The following PTPRB variants were observed in gnomAD, a reference collection of about 807,000 sequenced individuals.
PTPRB encodes receptor-type tyrosine-protein phosphatase beta.
In PTPRB, 97 loss-of-function variants were observed where a neutral mutation model predicts 238.1. That is an observed-to-expected ratio of 0.41 (90% CI 0.35 to 0.48). PTPRB has a LOEUF of 0.48. Among genes scored for constraint, PTPRB ranks in the 20% least tolerant of loss-of-function variants. PTPRB has a pLI of 0.30. For missense variants in PTPRB, 2,292 were observed against 2,681.9 expected, an observed-to-expected ratio of 0.85 and a Z score of 3.21; for synonymous variants, 970 against 995.4, an observed-to-expected ratio of 0.97 and a Z score of 0.48.
At position 70,555,307 on chromosome 12, in the gene PTPRB, G is replaced by A; in HGVS notation, c.4996C>T (p.Pro1666Ser). 6.2e-7 allele frequency: 1 copy of A among 1,610,380 alleles called. No individual in the cohort carries two copies. Among genetic ancestry groups the A allele is most frequent in the South Asian group, 1.1e-5 (1 of 90,544 alleles). ...CGAATGTGTGGGGGTGGAGGAGGGG[G>A]GCCTGGAAAAAGAGGTGGGGAAGGA... ...EDSTITMIDR[P>S]PPPPPHIRVN... The change falls in exon 20 of 34, where the codon CCC becomes TCC. Residue 1666 changes from proline (P) to serine (S), a missense_variant and splice_region_variant. Physicochemically the swap from Pro to Ser is moderately conservative, Grantham distance 74. Coordinates refer to ENST00000334414, the MANE Select transcript of PTPRB (RefSeq NM_001109754.4).
At chr12:70,531,696 C>T (rs1873271805) in intron 32 of PTPRB, among the ~76,000 whole-genome samples, 1 of 152,116 alleles carries the variant, frequency 6.6e-6, no homozygotes, top group African/African-American at 2.4e-5. Flanking sequence ...TGGTCTTTAC[C>T]ATCTACATAC....
chr12:70,606,205 T>G (rs1302796019), intron 4 of PTPRB, among the ~76,000 whole-genome samples: 1 of 152,220 alleles, frequency 6.6e-6, no homozygotes, highest in Admixed American at 6.5e-5. Flanking sequence ...GAACCACTTT[T>G]TGTTAGTCAT....
chr12:70,637,338 C>G lies in PTPRB; in HGVS notation c.55+3G>C. 1 of 1,604,762 alleles carries G rather than the reference C, an allele frequency of 6.2e-7. No individual in the cohort carries two copies. The highest frequency in any genetic ancestry group is 1.1e-5 in the South Asian group (1 of 88,774). ...CTCAGGACACTGAGGCAGACCCACT[C>G]ACCTGAGTTCCTGAAGATCAAGCAG... On this transcript the variant is annotated splice_donor_region_variant and intron_variant, in intron 1 of 33. Transcript: ENST00000334414.
chr12:70,528,923 GTTTGAC>G (rs1244865071), intron 32 of PTPRB, among the ~76,000 whole-genome samples: 2 of 148,798 alleles, frequency 1.3e-5, no homozygotes, highest in African/African-American at 2.5e-5. Context: ...AAGAGAATGA[GTTTGAC>G]TTTGATCTTT....
intron 4 of PTPRB, among the ~76,000 whole-genome samples, chr12:70,603,144 A>C (rs1158815366): frequency 1.3e-5 from 2 of 152,154 alleles, no homozygotes; most frequent in African/African-American, 4.8e-5. Flanking sequence ...AGACTAATAG[A>C]GAAATATTTC....
At position 70,536,008 on chromosome 12, in the gene PTPRB, G is replaced by A. The variant is rs760259977; in HGVS notation, c.6081+17C>T. On this transcript the variant is annotated intron_variant, in intron 29 of 33. Transcript: ENST00000334414. The stretch of plus-strand genomic sequence containing the variant: ...GCAGAAAGCAAAGCTTTGATGCCAG[G>A]AAGGCTGTTTACTCACTCGGCCCTT... 8 of 1,611,096 alleles carry A rather than the reference G, an allele frequency of 5.0e-6. No homozygotes were observed. Among genetic ancestry groups the A allele is most frequent in the South Asian group, 3.3e-5 (3 of 90,912 alleles).
intron 28 of PTPRB, among the ~76,000 whole-genome samples, chr12:70,537,002 C>T (rs1874227441): frequency 1.3e-5 from 2 of 152,110 alleles, no homozygotes; most frequent in South Asian, 2.1e-4. Flanking sequence ...AATGCAGACT[C>T]GGCCGGGCGC....
intron 29 of PTPRB, 72 bp from the exon 30 acceptor site, chr12:70,535,027 TC>T: frequency 6.6e-7 from 1 of 1,508,516 alleles, no homozygotes. Context: ...GTTTCCCTCC[TC>T]TAAATGTCTT....
rs561644942 is a variant in PTPRB, at chr12:70,544,070, GT to G, written c.5494+486del. ...TTATGCACAGTCTTTTATATTAATGGTTTTTAGTACTACAAAGTCAACACAT... is the reference window on the plus strand; with the variant it reads ...TTATGCACAGTCTTTTATATTAATGGTTTTAGTACTACAAAGTCAACACAT... On this transcript the variant is annotated intron_variant, in intron 22 of 33. Coordinates refer to ENST00000334414, the MANE Select transcript of PTPRB (RefSeq NM_001109754.4). Among the ~76,000 whole-genome samples the G allele has an allele frequency of 8.5e-5, 13 of 152,208 alleles. No homozygotes were observed. The East Asian group carries it at 2.5e-3, about 29-fold the overall frequency.
At chr12:70,596,987 G>A (rs980855713) in intron 4 of PTPRB, among the ~76,000 whole-genome samples, 3 of 151,284 alleles carry the variant, frequency 2.0e-5, no homozygotes, top group Admixed American at 6.6e-5. Context: ...GCGTGATCTC[G>A]GCTCACTGCA....
rs1056055339 is a variant in PTPRB at position 70,631,394 on chromosome 12, G to C, written c.451+4277C>G. Reference sequence around the variant, plus strand: ...TAGCCATATGTAGAAAGCTGAAACTGGATCCCTTCCTTACACCTTATACAA... The same window carrying C: ...TAGCCATATGTAGAAAGCTGAAACTCGATCCCTTCCTTACACCTTATACAA... On this transcript the variant is annotated intron_variant, in intron 2 of 33. Coordinates refer to ENST00000334414, the MANE Select transcript of PTPRB (RefSeq NM_001109754.4). Among the ~76,000 whole-genome samples, 507 of 152,250 alleles carry C rather than the reference G, an allele frequency of 3.3e-3. 4 individuals carry two copies. Among genetic ancestry groups the C allele is most frequent in the African/African-American group, 0.012 (478 of 41,544 alleles).
chr12:70,584,638 A>G (rs1017213240), intron 9 of PTPRB, among the ~76,000 whole-genome samples: 3 of 152,188 alleles, frequency 2.0e-5, no homozygotes, highest in Non-Finnish European at 2.9e-5. Flanking sequence ...GTTGGAACTT[A>G]AGGAAAATAT....
chr12:70,616,666 C>A (rs1383371659), intron 3 of PTPRB, among the ~76,000 whole-genome samples: 1 of 152,210 alleles, frequency 6.6e-6, no homozygotes, highest in Non-Finnish European at 1.5e-5. Flanking sequence ...TCTCAATCAG[C>A]ATGTCCTGGC....
At chr12:70,522,161 T>C (rs1411218865) in intron 33 of PTPRB, among the ~76,000 whole-genome samples, 1 of 152,198 alleles carries the variant, frequency 6.6e-6, no homozygotes, top group African/African-American at 2.4e-5. Context: ...TAGAGAGAAC[T>C]AAGTAAAAGG....
intron 8 of PTPRB, 33 bp from the exon 9 acceptor site, chr12:70,587,300 T>G: frequency 6.2e-7 from 1 of 1,609,502 alleles, no homozygotes; most frequent in East Asian, 2.2e-5. Flanking sequence ...GGGTCATTGA[T>G]GGACTGAGGC....
At chr12:70,539,483 G>A in intron 26 of PTPRB, 142 bp downstream of exon 26, 2 of 667,998 alleles carry the variant, frequency 3.0e-6, no homozygotes, top group Non-Finnish European at 5.2e-6. Context: ...GCATAGTTTA[G>A]GCATAAAAGA....
intron 29 of PTPRB, 147 bp downstream of exon 29, chr12:70,535,878 G>A: frequency 1.1e-6 from 1 of 912,532 alleles, no homozygotes; most frequent in Non-Finnish European, 1.6e-6. Flanking sequence ...TACTATTAGA[G>A]TCTTTTGAAC....
At chr12:70,532,473 T>TAAAC (rs1592400697) in intron 31 of PTPRB, among the ~76,000 whole-genome samples, 1 of 152,206 alleles carries the variant, frequency 6.6e-6, no homozygotes, top group Non-Finnish European at 1.5e-5. Flanking sequence ...GGTAAATCTA[T>TAAAC]AAACATTTAT....
intron 32 of PTPRB, among the ~76,000 whole-genome samples, chr12:70,527,389 C>G (rs1271255960): frequency 1.3e-5 from 2 of 152,150 alleles, no homozygotes; most frequent in Non-Finnish European, 2.9e-5. Flanking sequence ...ATTCTGGAAA[C>G]CATGAGAAGT....
Sources: allele counts gnomAD v4.1 joint callset (sites outside exome capture counted in the v4.1 genomes callset), GRCh38; gene constraint gnomAD v4.1.1; transcripts MANE v1.5; gene names NCBI Gene and HGNC (gene_info 2026-07-23, HGNC 2026-07-21).